Variants in MYOM1 observed in about 807,000 individuals in gnomAD.
The protein encoded by MYOM1 is myomesin 1.
MYOM1 carries 164 observed loss-of-function variants against 205.3 expected under a neutral mutation model. The observed-to-expected ratio is 0.80, with a 90% CI of 0.70 to 0.91. MYOM1 has a LOEUF of 0.91. Ranked by LOEUF, MYOM1 falls within the 40% of genes least tolerant of loss-of-function variation. MYOM1 has a pLI of 0.00. For synonymous variants in MYOM1, 772 were observed against 789.4 expected (o/e 0.98, Z 0.37); for missense variants, 2,011 against 2,127.3 (o/e 0.95, Z 1.08).
chr18:3,166,271 T>TA (rs1258805305), intron 9 of MYOM1, among the ~76,000 whole-genome samples: 1 of 141,554 alleles, frequency 7.1e-6, no homozygotes, highest in African/African-American at 2.5e-5. Flanking sequence ...GTCTTTTTTT[T>TA]TTTTTTTTTT....
intron 9 of MYOM1, 71 bp from the exon 10 acceptor site, chr18:3,164,510 T>A: frequency 7.3e-7 from 1 of 1,362,802 alleles, no homozygotes; most frequent in Non-Finnish European, 1.0e-6. Flanking sequence ...CTCCCCTCCA[T>A]TCCTCTCCTT....
intron 19 of MYOM1, among the ~76,000 whole-genome samples, chr18:3,122,181 T>TTTG (rs369560947): frequency 2.0e-4 from 16 of 78,202 alleles, no homozygotes; most frequent in East Asian, 1.0e-3. Flanking sequence ...AAGATATTAG[T>TTTG]TTTTTTTTTT....
chr18:3,205,576 A>G (rs11874689), intron 2 of MYOM1, among the ~76,000 whole-genome samples: 34,908 of 152,156 alleles, frequency 0.23, 4,120 homozygotes, highest in African/African-American at 0.29. Context: ...ATAAATGTTG[A>G]CAAGGATGTG....
intron 10 of MYOM1, 103 bp downstream of exon 10, chr18:3,164,175 T>G (rs1231842964): frequency 7.7e-7 from 1 of 1,292,448 alleles, no homozygotes; most frequent in African/African-American, 1.5e-5. Context: ...GAAATGACTC[T>G]TCCATCATTA....
In MYOM1 at chr18:3,135,824, C is replaced by G; in HGVS notation, c.2026-94G>C. The G allele has an allele frequency of 7.3e-7, 1 of 1,365,908 alleles. No homozygotes were observed. Among genetic ancestry groups the G allele is most frequent in the South Asian group, 1.3e-5 (1 of 77,194 alleles). 84.6% of individuals were successfully genotyped at this position (1,365,908 alleles called of 1,614,324 possible). A position where few individuals can be genotyped will look rare whatever the true frequency, so the allele number is the denominator to read the frequency against. ...CCAAGTTTCATTCATCTGCAACAAA[C>G]CACTCCCTGTAATGCAAGCTGGACT... is the stretch of plus-strand genomic sequence containing the variant. On this transcript the variant is annotated intron_variant, in intron 14 of 37. Transcript: ENST00000356443. This position sits in a 1 kb window ranked among gnomAD's most constrained non-coding sequence, Gnocchi z 4.1.
chr18:3,171,728 T>G (rs553920112), intron 8 of MYOM1, among the ~76,000 whole-genome samples: 1 of 152,132 alleles, frequency 6.6e-6, no homozygotes, highest in Non-Finnish European at 1.5e-5. Flanking sequence ...TTTTGCGATG[T>G]GAAAAGTCAC....
In MYOM1 at chr18:3,135,004, A is replaced by C; in HGVS notation, c.2210-180T>G. The C allele has an allele frequency of 1.7e-6, 1 of 593,986 alleles. No homozygotes were observed. The highest frequency in any genetic ancestry group is 2.9e-6 in the Non-Finnish European group (1 of 346,512). 36.8% of individuals were successfully genotyped at this position (593,986 alleles called of 1,614,324 possible). A position where few individuals can be genotyped will look rare whatever the true frequency, so the allele number is the denominator to read the frequency against. On this transcript the variant is annotated intron_variant, in intron 15 of 37. Coordinates refer to ENST00000356443, the MANE Select transcript of MYOM1 (RefSeq NM_003803.4). The surrounding 1 kb of genome is among the most constrained non-coding windows in gnomAD (Gnocchi z 4.1). ...CGCTCTGTCACCCAGGCTGGAGAGC[A>C]GTGGCGGGATCTCGGCTCACTGCAG...
chr18:3,092,528 G>T (rs114401202), intron 26 of MYOM1, among the ~76,000 whole-genome samples: 58 of 151,892 alleles, frequency 3.8e-4, no homozygotes, highest in African/African-American at 1.4e-3. Context: ...AGCCCTATTA[G>T]ACTATACTTA....
chr18:3,090,297 G>A (rs1017654798), intron 27 of MYOM1, among the ~76,000 whole-genome samples: 2 of 143,848 alleles, frequency 1.4e-5, no homozygotes, highest in African/African-American at 5.2e-5. Flanking sequence ...TTGGCTCACT[G>A]CAATCTCTGC....
At chr18:3,235,578 C>T in the MYOM1 span, among the ~76,000 whole-genome samples, 6 of 152,202 alleles carry the variant, frequency 3.9e-5, no homozygotes, top group Admixed American at 2.6e-4. Flanking sequence ...TCTAGCAATT[C>T]ATTCATTCAA....
intron 3 of MYOM1, among the ~76,000 whole-genome samples, chr18:3,192,596 C>T (rs894826689): frequency 6.6e-6 from 1 of 152,142 alleles, no homozygotes; most frequent in East Asian, 1.9e-4. Flanking sequence ...TAGAGGATGG[C>T]CTCACTTTGA....
At chr18:3,231,949 G>C in the MYOM1 span, among the ~76,000 whole-genome samples, 3 of 150,256 alleles carry the variant, frequency 2.0e-5, no homozygotes, top group Admixed American at 6.7e-5. Context: ...TGCTAGTGTA[G>C]ATATTAAGCT....
At chr18:3,210,978 A>T (rs2081184513) in intron 2 of MYOM1, among the ~76,000 whole-genome samples, 1 of 152,218 alleles carries the variant, frequency 6.6e-6, no homozygotes, top group Non-Finnish European at 1.5e-5. Flanking sequence ...TACGTCATAT[A>T]GGCTGAATTT....
At chr18:3,108,158 G>C (rs2079475656) in intron 22 of MYOM1, among the ~76,000 whole-genome samples, 1 of 152,166 alleles carries the variant, frequency 6.6e-6, no homozygotes, top group African/African-American at 2.4e-5. Flanking sequence ...AGCCTTCAGG[G>C]AGACTGATTT....
Position 3,134,827 on chromosome 18 carries a change from G to A in MYOM1, c.2210-3C>T, listed in dbSNP as rs896498481. 1.2e-6 allele frequency: 2 copies of A among 1,613,862 alleles called. No individual in the cohort carries two copies. The highest frequency in any genetic ancestry group is 1.7e-6 in the Non-Finnish European group (2 of 1,179,888). ...TTTGCCAGGAGCCTTGGGGATATCT[G>A]AGAAAGAGGAAAATGGTGATCAAAC... On this transcript the variant is annotated splice_polypyrimidine_tract_variant and splice_region_variant and intron_variant, in intron 15 of 37. Transcript: ENST00000356443.
In MYOM1 at chr18:3,077,842, A is replaced by G. The variant is rs534323659; in HGVS notation, c.4648+1337T>C. On this transcript the variant is annotated intron_variant, in intron 34 of 37. Transcript: ENST00000356443. ...GTGATGCAGGCAAAGTGTGTCCTAGAAAGTCCGCGTCCCTCTGGAGCAGCT... is the reference window on the plus strand; with the variant it reads ...GTGATGCAGGCAAAGTGTGTCCTAGGAAGTCCGCGTCCCTCTGGAGCAGCT... 2.2e-4 allele frequency among the ~76,000 whole-genome samples: 33 copies of G among 152,242 alleles called. No individual in the cohort carries two copies. In the South Asian group the frequency reaches 6.6e-3, roughly 31 times the overall value.
chr18:3,137,415 A>G (rs187848679), intron 14 of MYOM1, among the ~76,000 whole-genome samples: 1 of 152,370 alleles, frequency 6.6e-6, no homozygotes, highest in Admixed American at 6.5e-5. Flanking sequence ...ATATGGAATC[A>G]ACCCAAGTGC....
chr18:3,173,888 G>A, intron 8 of MYOM1, 50 bp downstream of exon 8: 1 of 1,517,348 alleles, frequency 6.6e-7, no homozygotes, highest in Non-Finnish European at 9.1e-7. Flanking sequence ...AACTTATTAT[G>A]CCATATTTTA....
At chr18:3,176,930 GTTATA>G (rs1408186546) in intron 5 of MYOM1, among the ~76,000 whole-genome samples, 1 of 151,398 alleles carries the variant, frequency 6.6e-6, no homozygotes, top group Non-Finnish European at 1.5e-5. Context: ...TTGTGTGCAT[GTTATA>G]TTATAATTTA....
Sources: allele counts gnomAD v4.1 joint callset (sites outside exome capture counted in the v4.1 genomes callset), GRCh38; gene constraint gnomAD v4.1.1; non-coding constraint Gnocchi (gnomAD v3.1); transcripts MANE v1.5; gene names NCBI Gene and HGNC (gene_info 2026-07-23, HGNC 2026-07-21).